The following CLOCK variants were observed in gnomAD, a reference collection of about 807,000 sequenced individuals.
The protein encoded by CLOCK is circadian locomoter output cycles protein kaput.
In CLOCK, 43 loss-of-function variants were observed where a neutral mutation model predicts 118.4. That is an observed-to-expected ratio of 0.36 (90% CI 0.28 to 0.47). The LOEUF is 0.47. CLOCK is among the 20% of genes least tolerant of loss of function. The pLI is 1.00. For missense variants in CLOCK, 846 were observed against 999.9 expected, an observed-to-expected ratio of 0.85 and a Z score of 2.08; for synonymous variants, 326 against 339.2, an observed-to-expected ratio of 0.96 and a Z score of 0.43.
intron 2 of CLOCK, among the ~76,000 whole-genome samples, chr4:55,507,382 G>T (rs1728880982): frequency 6.6e-6 from 1 of 152,102 alleles, no homozygotes; most frequent in South Asian, 2.1e-4. Context: ...GAAGGCTGAG[G>T]TTGGGGGAAC....
At chr4:55,544,945 A>AT (rs1214164108) in intron 1 of CLOCK, among the ~76,000 whole-genome samples, 2 of 152,132 alleles carry the variant, frequency 1.3e-5, no homozygotes, top group South Asian at 2.1e-4. Flanking sequence ...TTCATAGCAA[A>AT]TTTTTGCAAT....
Position 55,429,171 on chromosome 4 carries a change from T to C in CLOCK, c.*6244A>G, listed in dbSNP as rs1310502944. On this transcript the variant is annotated 3_prime_UTR_variant, in exon 23 of 23. Coordinates refer to ENST00000513440, the MANE Select transcript of CLOCK (RefSeq NM_004898.4). Reference sequence around the variant, plus strand: ...ACACATTATAAACATTTGAATGTCATTTTTAAAAGCGATGTCACAGTTTGT... The same window carrying C: ...ACACATTATAAACATTTGAATGTCACTTTTAAAAGCGATGTCACAGTTTGT... 6.6e-6 allele frequency: 1 copy of C among 152,204 alleles called. No homozygotes were observed. The highest frequency in any genetic ancestry group is 1.9e-4 in the East Asian group (1 of 5,204). 9.4% of individuals were successfully genotyped at this position (152,204 alleles called of 1,614,324 possible). A position where few individuals can be genotyped will look rare whatever the true frequency, so the allele number is the denominator to read the frequency against.
intron 2 of CLOCK, among the ~76,000 whole-genome samples, chr4:55,504,470 TA>T (rs1259405374): frequency 1.3e-5 from 2 of 152,108 alleles, no homozygotes; most frequent in Non-Finnish European, 2.9e-5. Context: ...AAAATTGTAT[TA>T]ATACCGTTCT....
At position 55,430,903 on chromosome 4, in the gene CLOCK, C is replaced by CA. The variant is rs1445452011; in HGVS notation, c.*4511dup. 2 of 152,118 alleles carry CA rather than the reference C, an allele frequency of 1.3e-5. No individual in the cohort carries two copies. The highest frequency in any genetic ancestry group is 2.9e-5 in the Non-Finnish European group (2 of 68,006). The allele number at this position is 152,118 out of a possible 1,614,324, so 9.4% of individuals were successfully genotyped here. A position where few individuals can be genotyped will look rare whatever the true frequency, so the allele number is the denominator to read the frequency against. ...CTAGGCATCTACAATCTCTTGACTC[C>CA]ACCACATTCAAAACAAAAATCAAAG... is the stretch of plus-strand genomic sequence containing the variant. On this transcript the variant is annotated 3_prime_UTR_variant, in exon 23 of 23. Transcript: ENST00000513440.
At chr4:55,448,601 C>CGCGCGTGTGTGTGTGTGTGTGT (rs764071880) in intron 18 of CLOCK, among the ~76,000 whole-genome samples, 178 bp downstream of exon 18, 8 of 116,980 alleles carry the variant, frequency 6.8e-5, no homozygotes, top group Non-Finnish European at 1.5e-4. Flanking sequence ...CGCACGCGCG[C>CGCGCGTGTGTGTGTGTGTGTGT]GTGTGTGTGT....
At chr4:55,528,285 G>A (rs1730329527) in intron 1 of CLOCK, among the ~76,000 whole-genome samples, 1 of 151,882 alleles carries the variant, frequency 6.6e-6, no homozygotes, top group South Asian at 2.1e-4. Context: ...GGCAGAGGTT[G>A]CAGTGAGCCG....
chr4:55,482,264 T>G (rs1726986043), intron 4 of CLOCK, among the ~76,000 whole-genome samples: 1 of 152,102 alleles, frequency 6.6e-6, no homozygotes, highest in Admixed American at 6.5e-5. Context: ...CCTCCAAAAA[T>G]TTCAAGTATT....
intron 2 of CLOCK, among the ~76,000 whole-genome samples, chr4:55,504,531 A>G (rs778601810): frequency 1.6e-4 from 24 of 152,168 alleles, no homozygotes; most frequent in Non-Finnish European, 3.4e-4. Context: ...TCAAAATATA[A>G]TAAATATATG....
intron 1 of CLOCK, among the ~76,000 whole-genome samples, chr4:55,544,403 G>A (rs1337017566): frequency 6.6e-6 from 1 of 151,968 alleles, no homozygotes; most frequent in African/African-American, 2.4e-5. Context: ...AAAGAGGAGG[G>A]GGAAACACAA....
At chr4:55,491,233 C>CAA (rs1727653977) in intron 2 of CLOCK, among the ~76,000 whole-genome samples, 7 of 36,318 alleles carry the variant, frequency 1.9e-4, no homozygotes, top group African/African-American at 2.9e-4. Flanking sequence ...TGCAGGTGTG[C>CAA]TAAAAAAAAA....
chr4:55,529,192 T>A (rs1577861561), intron 1 of CLOCK, among the ~76,000 whole-genome samples: 1 of 152,328 alleles, frequency 6.6e-6, no homozygotes, highest in Middle Eastern at 3.4e-3. Context: ...ACAGTCTTAC[T>A]TTGTTGCCCA....
chr4:55,541,070 T>C (rs903809648), intron 1 of CLOCK, among the ~76,000 whole-genome samples: 3 of 152,232 alleles, frequency 2.0e-5, no homozygotes, highest in Non-Finnish European at 4.4e-5. Context: ...CAGAATTACA[T>C]CTCTGTGAAA....
At chr4:55,479,335 C>T (rs557190283) in intron 5 of CLOCK, among the ~76,000 whole-genome samples, 1 of 151,976 alleles carries the variant, frequency 6.6e-6, no homozygotes, top group East Asian at 1.9e-4. Flanking sequence ...AACCAGTAAA[C>T]AAACAGCTAT....
intron 1 of CLOCK, among the ~76,000 whole-genome samples, chr4:55,527,966 A>G (rs1224604769): frequency 1.3e-5 from 2 of 152,092 alleles, no homozygotes; most frequent in Non-Finnish European, 2.9e-5. Flanking sequence ...TAGGAGTTCA[A>G]GGCTGCAGTG....
intron 9 of CLOCK, 68 bp downstream of exon 9, chr4:55,463,617 T>C (rs1157495950): frequency 1.2e-5 from 18 of 1,561,290 alleles, no homozygotes; most frequent in Non-Finnish European, 1.6e-5. Context: ...GTATTTTTCA[T>C]AAACTTGCAA....
At chr4:55,461,043 C>A (rs898972262) in intron 9 of CLOCK, among the ~76,000 whole-genome samples, 1 of 152,030 alleles carries the variant, frequency 6.6e-6, no homozygotes, top group African/African-American at 2.4e-5. Context: ...CCAGCTCAGC[C>A]TCGAGTAGCA....
chr4:55,437,521 T>C (rs560613969), intron 22 of CLOCK, among the ~76,000 whole-genome samples: 1 of 152,324 alleles, frequency 6.6e-6, no homozygotes, highest in East Asian at 1.9e-4. Context: ...CTAAATGATA[T>C]CTGTGTCTAT....
chr4:55,444,454 C>T (rs12643926), intron 19 of CLOCK, among the ~76,000 whole-genome samples, 179 bp downstream of exon 19: 88,360 of 151,504 alleles, frequency 0.58, 27,329 homozygotes, highest in South Asian at 0.81. Context: ...CCCTCAGAAA[C>T]AAATTATCTT....
intron 2 of CLOCK, among the ~76,000 whole-genome samples, chr4:55,503,571 TTATAA>T (rs1728570436): frequency 6.6e-6 from 1 of 152,178 alleles, no homozygotes; most frequent in African/African-American, 2.4e-5. Context: ...TTTATGCACT[TTATAA>T]TATGTGTGTT....
Sources: gnomAD v4.1 joint callset for allele counts (sites outside exome capture counted in the v4.1 genomes callset) on GRCh38, gnomAD v4.1.1 for gene constraint, MANE v1.5 for transcripts, NCBI Gene and HGNC (gene_info 2026-07-23, HGNC 2026-07-21) for gene names.